Variants in IMMP2L observed in about 807,000 individuals in gnomAD.
The protein encoded by IMMP2L is inner mitochondrial membrane peptidase subunit 2, also known as mitochondrial inner membrane protease subunit 2.
Under a neutral mutation model 19.3 loss-of-function variants are expected in IMMP2L, and 18 were observed. The ratio of observed to expected loss-of-function variants is 0.93; its 90% CI spans 0.64 to 1.38. The LOEUF (loss-of-function observed/expected upper bound fraction) is 1.38. Ranked by LOEUF, IMMP2L falls within the 40% of genes most tolerant of loss-of-function variation. The pLI is 0.00. For missense variants in IMMP2L, 233 were observed against 218.2 expected (o/e 1.07, Z -0.43); for synonymous variants, 76 against 73.0 (o/e 1.04, Z -0.21).
At chr7:111,334,708 A>G (rs918149277) in intron 3 of IMMP2L, among the ~76,000 whole-genome samples, 3 of 152,104 alleles carry the variant, frequency 2.0e-5, no homozygotes, top group Non-Finnish European at 4.4e-5. Flanking sequence ...TGGCAGTGCA[A>G]AAGACTTCCA....
At chr7:110,768,610 C>T (rs530764206) in intron 5 of IMMP2L, among the ~76,000 whole-genome samples, 170 of 152,266 alleles carry the variant, frequency 1.1e-3, no homozygotes, top group African/African-American at 3.9e-3. Context: ...CATGTTATTC[C>T]TTCAGCTTGG....
intron 4 of IMMP2L, among the ~76,000 whole-genome samples, chr7:110,901,057 T>C (rs1302416401): frequency 1.3e-5 from 2 of 151,970 alleles, no homozygotes; most frequent in Non-Finnish European, 2.9e-5. Context: ...TCTAACCTAA[T>C]TTATGTTCTA....
At position 110,902,029 on chromosome 7, in the gene IMMP2L, C is replaced by T. The variant is rs190769773; in HGVS notation, c.306-15334G>A. 4.7e-3 allele frequency among the ~76,000 whole-genome samples: 717 copies of T among 151,980 alleles called. 6 individuals are homozygous for T. The highest frequency in any genetic ancestry group is 8.3e-3 in the Non-Finnish European group (564 of 67,924). On this transcript the variant is annotated intron_variant, in intron 4 of 5. Coordinates refer to ENST00000405709, the MANE Select transcript of IMMP2L (RefSeq NM_032549.4). Reference sequence around the variant, plus strand: ...TGAAAGACACAGTATTTGGATTTGCCACAAGTTATGGTAATTTTAACATGA... The same window carrying T: ...TGAAAGACACAGTATTTGGATTTGCTACAAGTTATGGTAATTTTAACATGA...
intron 4 of IMMP2L, among the ~76,000 whole-genome samples, chr7:110,908,922 G>C (rs974271073): frequency 2.8e-4 from 43 of 152,142 alleles, no homozygotes; most frequent in African/African-American, 1.0e-3. Context: ...AATTTAGTAG[G>C]AAAGATAGAC....
chr7:111,439,163 T>C (rs906624755), intron 3 of IMMP2L, among the ~76,000 whole-genome samples: 2 of 151,900 alleles, frequency 1.3e-5, no homozygotes, highest in Non-Finnish European at 2.9e-5. Flanking sequence ...CCCTGAAGTT[T>C]ACATCCTTGC....
At chr7:111,277,818 G>A (rs1562999458) in intron 3 of IMMP2L, among the ~76,000 whole-genome samples, 1 of 152,138 alleles carries the variant, frequency 6.6e-6, no homozygotes, top group Non-Finnish European at 1.5e-5. Context: ...CAATAGCAAA[G>A]CTATGGAATC....
chr7:111,385,825 A>G (rs1831687878), intron 3 of IMMP2L, among the ~76,000 whole-genome samples: 1 of 152,066 alleles, frequency 6.6e-6, no homozygotes, highest in Non-Finnish European at 1.5e-5. Context: ...GTACATCTCA[A>G]TTAATTATCC....
At chr7:111,365,240 A>T (rs996932064) in intron 3 of IMMP2L, among the ~76,000 whole-genome samples, 2 of 152,124 alleles carry the variant, frequency 1.3e-5, no homozygotes, top group Admixed American at 6.6e-5. Context: ...GATGTAGGAG[A>T]AATAAGTGAT....
At chr7:111,047,647 A>G (rs1383025195) in intron 3 of IMMP2L, among the ~76,000 whole-genome samples, 1 of 152,102 alleles carries the variant, frequency 6.6e-6, no homozygotes, top group Non-Finnish European at 1.5e-5. Flanking sequence ...CTGTATGCTA[A>G]TATCTAATTA....
chr7:111,077,303 T>G (rs965490893), intron 3 of IMMP2L, among the ~76,000 whole-genome samples: 5 of 152,218 alleles, frequency 3.3e-5, no homozygotes, highest in Non-Finnish European at 7.3e-5. Context: ...AAAAGCATTT[T>G]AAGCATTTTA....
chr7:111,334,606 T>C (rs1364539061), intron 3 of IMMP2L, among the ~76,000 whole-genome samples: 3 of 152,120 alleles, frequency 2.0e-5, no homozygotes, highest in African/African-American at 7.2e-5. Flanking sequence ...GGTAATAAGC[T>C]AATTTGTATA....
intron 5 of IMMP2L, among the ~76,000 whole-genome samples, chr7:110,839,214 T>C (rs549968319): frequency 6.6e-6 from 1 of 152,236 alleles, no homozygotes; most frequent in Non-Finnish European, 1.5e-5. Flanking sequence ...AAAAAACTAA[T>C]TCCATTCGCT....
chr7:111,058,485 A>C (rs547063197), intron 3 of IMMP2L, among the ~76,000 whole-genome samples: 1 of 152,360 alleles, frequency 6.6e-6, no homozygotes, highest in Non-Finnish European at 1.5e-5. Context: ...CTCATTAAAT[A>C]GGAACTCAGG....
chr7:110,810,385 G>A (rs1299665225), intron 5 of IMMP2L, among the ~76,000 whole-genome samples: 1 of 152,026 alleles, frequency 6.6e-6, no homozygotes, highest in East Asian at 1.9e-4. Flanking sequence ...AGCATGTGTT[G>A]CTAAAGGAGC....
chr7:110,913,333 G>A (rs1443648349), intron 4 of IMMP2L, among the ~76,000 whole-genome samples: 1 of 151,992 alleles, frequency 6.6e-6, no homozygotes, highest in Non-Finnish European at 1.5e-5. Flanking sequence ...ATGCCAAGGA[G>A]CTAAATGTGA....
At position 110,733,858 on chromosome 7, in the gene IMMP2L, A is replaced by G. The variant is rs1206232187; in HGVS notation, c.409-70137T>C. On this transcript the variant is annotated intron_variant, in intron 5 of 5. Coordinates refer to ENST00000405709, the MANE Select transcript of IMMP2L (RefSeq NM_032549.4). ...CCATTCCATCATGTGAGGATACAGC[A>G]TCCAGGTACCATCTATGAAGCAGAG... is the stretch of plus-strand genomic sequence containing the variant. Among the ~76,000 whole-genome samples the G allele has an allele frequency of 3.3e-5, 5 of 152,100 alleles. 1 individual carries two copies. Among genetic ancestry groups the G allele is most frequent in the Admixed American group, 3.3e-4 (5 of 15,266 alleles).
At chr7:111,504,244 C>A (rs943176331) in intron 2 of IMMP2L, among the ~76,000 whole-genome samples, 1 of 152,054 alleles carries the variant, frequency 6.6e-6, no homozygotes, top group Non-Finnish European at 1.5e-5. Context: ...GAATAAAATA[C>A]CTAGGAATCC....
At chr7:110,820,648 C>G (rs1756850004) in intron 5 of IMMP2L, among the ~76,000 whole-genome samples, 1 of 151,828 alleles carries the variant, frequency 6.6e-6, no homozygotes, top group Non-Finnish European at 1.5e-5. Flanking sequence ...AAACTTCTGA[C>G]CTTTAGCAAA....
At chr7:111,287,257 A>G (rs1054809498) in intron 3 of IMMP2L, among the ~76,000 whole-genome samples, 2 of 152,190 alleles carry the variant, frequency 1.3e-5, no homozygotes, top group Non-Finnish European at 2.9e-5. Context: ...TATCCTGCTC[A>G]CTTAAGTGTG....
Sources: allele counts gnomAD v4.1 joint callset (sites outside exome capture counted in the v4.1 genomes callset), GRCh38; gene constraint gnomAD v4.1.1; transcripts MANE v1.5; gene names NCBI Gene and HGNC (gene_info 2026-07-23, HGNC 2026-07-21).